The following ARHGEF38 variants were observed in gnomAD, a reference collection of about 807,000 sequenced individuals.
ARHGEF38 encodes the protein Rho guanine nucleotide exchange factor (GEF) 38.
ARHGEF38 carries 79 observed loss-of-function variants against 79.9 expected under a neutral mutation model. The observed-to-expected ratio is 0.99, with a 90% CI of 0.82 to 1.19. The LOEUF (loss-of-function observed/expected upper bound fraction) is 1.19. Among genes scored for constraint, ARHGEF38 ranks in the 50% most tolerant of loss-of-function variants. The probability of loss-of-function intolerance (pLI) is 0.00; values close to 1 mark genes in which losing one functional copy is unlikely to be tolerated. For missense variants in ARHGEF38, 962 were observed against 907.2 expected (o/e 1.06, Z -0.78); for synonymous variants, 366 against 328.3 (o/e 1.11, Z -1.24).
At chr4:105,651,608 G>A (rs1215261897) in intron 7 of ARHGEF38, among the ~76,000 whole-genome samples, 1 of 152,108 alleles carries the variant, frequency 6.6e-6, no homozygotes, top group African/African-American at 2.4e-5. Flanking sequence ...AGATTCCAAA[G>A]GCATAGTAGG....
chr4:105,562,197 G>A (rs1443965012), intron 1 of ARHGEF38, among the ~76,000 whole-genome samples: 1 of 152,118 alleles, frequency 6.6e-6, no homozygotes, highest in African/African-American at 2.4e-5. Flanking sequence ...ATTTAGGGAT[G>A]GTGTGTTCTG....
chr4:105,647,028 G>A lies in ARHGEF38; in HGVS notation c.875-1521G>A, dbSNP rs73837087. On this transcript the variant is annotated intron_variant, in intron 6 of 13. Coordinates refer to ENST00000420470, the MANE Select transcript of ARHGEF38 (RefSeq NM_001242729.2). ...TTTAGGGATCATACATGGAGATCAG[G>A]GTGCCTCAACTGTTAGGTGAGTTGT... is the stretch of plus-strand genomic sequence containing the variant. 6.0e-3 allele frequency among the ~76,000 whole-genome samples: 913 copies of A among 152,160 alleles called. 7 individuals carry two copies. The highest frequency in any genetic ancestry group is 0.021 in the African/African-American group (858 of 41,518).
chr4:105,553,849 C>T (rs1725121286), intron 1 of ARHGEF38, among the ~76,000 whole-genome samples: 1 of 152,160 alleles, frequency 6.6e-6, no homozygotes, highest in African/African-American at 2.4e-5. Context: ...GAACTCTCAT[C>T]ATCCCACTGT....
intron 1 of ARHGEF38, among the ~76,000 whole-genome samples, chr4:105,569,111 G>A (rs1345083991): frequency 6.6e-6 from 1 of 152,162 alleles, no homozygotes; most frequent in Admixed American, 6.5e-5. Context: ...GTAATAATAA[G>A]CTGTGTACTT....
chr4:105,587,881 G>A (rs776360234), intron 1 of ARHGEF38, among the ~76,000 whole-genome samples: 1 of 152,166 alleles, frequency 6.6e-6, no homozygotes, highest in Non-Finnish European at 1.5e-5. Context: ...GCGATAAATG[G>A]TTCCAAACAT....
intron 4 of ARHGEF38, among the ~76,000 whole-genome samples, chr4:105,634,671 G>A (rs1037465691): frequency 6.6e-6 from 1 of 151,964 alleles, no homozygotes; most frequent in Admixed American, 6.6e-5. Context: ...CATTTCAGAG[G>A]CCCCAGAGAT....
intron 1 of ARHGEF38, among the ~76,000 whole-genome samples, chr4:105,562,935 A>G (rs957775552): frequency 6.6e-6 from 1 of 152,196 alleles, no homozygotes; most frequent in Admixed American, 6.5e-5. Flanking sequence ...CTCTGAGGGA[A>G]GTTCTGAAGA....
downstream of ARHGEF38, chr4:105,680,972 GT>G (rs1436738894): frequency 1.3e-5 from 2 of 152,090 alleles, no homozygotes; most frequent in Non-Finnish European, 2.9e-5. Flanking sequence ...GAGTTTTTAT[GT>G]CAGGTAATTT....
intron 8 of ARHGEF38, 32 bp downstream of exon 8, chr4:105,654,201 A>G (rs1210538630): frequency 8.0e-7 from 1 of 1,247,080 alleles, no homozygotes; most frequent in Non-Finnish European, 1.1e-6. Flanking sequence ...TCAGTGTTCT[A>G]CAGGAACATC....
chr4:105,625,233 T>C (rs7674729), intron 3 of ARHGEF38, among the ~76,000 whole-genome samples: 48 of 152,356 alleles, frequency 3.2e-4, no homozygotes, highest in African/African-American at 1.1e-3. Context: ...TTCATATAAT[T>C]TTTAAATGAA....
At chr4:105,566,596 T>C (rs1725900469) in intron 1 of ARHGEF38, among the ~76,000 whole-genome samples, 1 of 152,128 alleles carries the variant, frequency 6.6e-6, no homozygotes, top group Non-Finnish European at 1.5e-5. Context: ...TATTTTGAAA[T>C]GTACAATTAA....
chr4:105,630,027 T>C (rs1317292463), intron 3 of ARHGEF38, among the ~76,000 whole-genome samples: 1 of 152,172 alleles, frequency 6.6e-6, no homozygotes, highest in Non-Finnish European at 1.5e-5. Flanking sequence ...CTGTGTCTCT[T>C]ATAAATTAAC....
intron 1 of ARHGEF38, among the ~76,000 whole-genome samples, chr4:105,584,954 G>C (rs925871698): frequency 5.3e-5 from 8 of 152,142 alleles, no homozygotes. Context: ...ACCCAAGCCA[G>C]ATAAACTGCT....
At chr4:105,630,522 G>A (rs559819975) in intron 3 of ARHGEF38, among the ~76,000 whole-genome samples, 4 of 152,240 alleles carry the variant, frequency 2.6e-5, no homozygotes, top group East Asian at 1.9e-4. Context: ...GATTATAGGC[G>A]TGAGCCACTG....
intron 2 of ARHGEF38, among the ~76,000 whole-genome samples, chr4:105,597,232 G>C (rs1018822222): frequency 6.6e-6 from 1 of 152,134 alleles, no homozygotes; most frequent in Non-Finnish European, 1.5e-5. Context: ...TAGATAGGTG[G>C]ATAGATAGAT....
chr4:105,605,859 C>T (rs1191160611), intron 2 of ARHGEF38, among the ~76,000 whole-genome samples: 3 of 152,186 alleles, frequency 2.0e-5, no homozygotes, highest in African/African-American at 7.2e-5. Flanking sequence ...TCTCAACTTC[C>T]TTACTAAAAA....
chr4:105,564,525 A>G (rs887515271), intron 1 of ARHGEF38, among the ~76,000 whole-genome samples: 1 of 152,216 alleles, frequency 6.6e-6, no homozygotes, highest in African/African-American at 2.4e-5. Context: ...TTTAATGGGT[A>G]GAGTTTCAAT....
intron 1 of ARHGEF38, among the ~76,000 whole-genome samples, chr4:105,574,268 C>T (rs1726374926): frequency 6.6e-6 from 1 of 152,072 alleles, no homozygotes; most frequent in Admixed American, 6.6e-5. Flanking sequence ...GTGGCAAAGA[C>T]CGGGTGCGGT....
At chr4:105,646,910 T>A (rs971376386) in intron 6 of ARHGEF38, among the ~76,000 whole-genome samples, 2 of 152,050 alleles carry the variant, frequency 1.3e-5, no homozygotes, top group Non-Finnish European at 2.9e-5. Context: ...TTTAAAACAT[T>A]CAAAATGTAT....
Sources: allele counts gnomAD v4.1 joint callset (sites outside exome capture counted in the v4.1 genomes callset), GRCh38; gene constraint gnomAD v4.1.1; transcripts MANE v1.5; gene names NCBI Gene and HGNC (gene_info 2026-07-23, HGNC 2026-07-21).